Variants in TDRD15 observed in about 807,000 individuals in gnomAD.
The protein encoded by TDRD15 is tudor domain-containing protein 15.
For synonymous variants in TDRD15, 503 were observed against 314.5 expected (o/e 1.60, Z -6.34); for missense variants, 1,416 against 904.7 (o/e 1.57, Z -7.25).
At chr2:21,130,610 A>G (rs935953314) in intron 2 of TDRD15, among the ~76,000 whole-genome samples, 1 of 152,066 alleles carries the variant, frequency 6.6e-6, no homozygotes, top group African/African-American at 2.4e-5. Context: ...GCATGTGGGT[A>G]TCCATTTTTT....
intron 2 of TDRD15, among the ~76,000 whole-genome samples, chr2:21,133,428 G>A (rs1021626055): frequency 1.3e-5 from 2 of 151,988 alleles, no homozygotes; most frequent in Non-Finnish European, 1.5e-5. Context: ...TCTTGTCCAT[G>A]ATTATGTACT....
chr2:21,130,795 T>C (rs1665703605), intron 2 of TDRD15, among the ~76,000 whole-genome samples: 1 of 152,200 alleles, frequency 6.6e-6, no homozygotes, highest in South Asian at 2.1e-4. Context: ...TTGGTAGTCA[T>C]TGTATTATTT....
At chr2:21,125,245 G>T (rs546199978) in intron 1 of TDRD15, among the ~76,000 whole-genome samples, 1 of 149,702 alleles carries the variant, frequency 6.7e-6, no homozygotes, top group Non-Finnish European at 1.5e-5. Flanking sequence ...ATGCCAGGTT[G>T]TGTGTGAGAG....
At chr2:21,131,929 A>G (rs1167467426) in intron 2 of TDRD15, among the ~76,000 whole-genome samples, 3 of 152,170 alleles carry the variant, frequency 2.0e-5, no homozygotes, top group Non-Finnish European at 4.4e-5. Context: ...CTAGTTTAAT[A>G]TAACTTTTTT....
rs1437371367 is a variant in TDRD15 at position 21,140,215 on chromosome 2, A to T, written c.2748A>T (p.Leu916Phe). The change falls in exon 4 of 4, where the codon TTA (leucine) becomes TTT (phenylalanine). Residue 916 changes from leucine (L) to phenylalanine (F), a missense_variant. Transcript: ENST00000405799. ...VIIHPNHLYN[L>F]VDLQSSFTSA... ...TACATCCAAACCATTTATATAACTTAGTGGATTTACAGTCCTCATTTACTA... is the reference window on the plus strand; with the variant it reads ...TACATCCAAACCATTTATATAACTTTGTGGATTTACAGTCCTCATTTACTA... 1.4e-6 allele frequency: 1 copy of T among 715,504 alleles called. No homozygotes were observed. Among genetic ancestry groups the T allele is most frequent in the Non-Finnish European group, 2.6e-6 (1 of 383,854 alleles). The allele number at this position is 715,504 out of a possible 1,614,324, so 44.3% of individuals were successfully genotyped here.
intron 2 of TDRD15, among the ~76,000 whole-genome samples, chr2:21,131,172 A>G (rs1665711634): frequency 6.6e-6 from 1 of 152,180 alleles, no homozygotes; most frequent in Non-Finnish European, 1.5e-5. Context: ...TATGTCTGCC[A>G]TTTTGAGTTT....
chr2:21,131,887 A>T (rs1279940281), intron 2 of TDRD15, among the ~76,000 whole-genome samples: 1 of 152,216 alleles, frequency 6.6e-6, no homozygotes, highest in Non-Finnish European at 1.5e-5. Flanking sequence ...TAGGACTATA[A>T]ATGTGTCCTG....
chr2:21,136,424 G>A (rs1014942465), intron 3 of TDRD15, among the ~76,000 whole-genome samples: 3 of 151,864 alleles, frequency 2.0e-5, no homozygotes, highest in South Asian at 2.1e-4. Flanking sequence ...AATATCAGTT[G>A]TTATGTTTTC....
rs754767926 is a variant in TDRD15 at position 21,141,006 on chromosome 2, A to C, written c.3539A>C (p.Asn1180Thr). The C allele has an allele frequency of 8.4e-6, 6 of 713,216 alleles. No homozygotes were observed. In the South Asian group the frequency reaches 9.0e-5, roughly 11 times the overall value. 44.2% of individuals were successfully genotyped at this position (713,216 alleles called of 1,614,324 possible). The change falls in exon 4 of 4, where the codon AAT (asparagine) becomes ACT (threonine). Residue 1180 changes from asparagine to threonine, a missense_variant. Transcript: ENST00000405799. ...KGKTGNNYRH[N>T]VINKPSPVTY... ...AAAACAGGAAACAACTATCGCCATA[A>C]TGTGATAAATAAACCTAGTCCAGTA...
chr2:21,126,171 AG>A (rs909273112), intron 1 of TDRD15, among the ~76,000 whole-genome samples: 13 of 152,202 alleles, frequency 8.5e-5, no homozygotes, highest in African/African-American at 2.9e-4. Flanking sequence ...TCACCTTCAA[AG>A]GTTTCCTTTG....
chr2:21,142,595 A>G lies in TDRD15; in HGVS notation c.5128A>G (p.Ile1710Val), dbSNP rs1665957769. 4 of 711,986 alleles carry G rather than the reference A, an allele frequency of 5.6e-6. No homozygotes were observed. The highest frequency in any genetic ancestry group is 2.6e-6 in the Non-Finnish European group (1 of 383,028). The allele number at this position is 711,986 out of a possible 1,614,324, so 44.1% of individuals were successfully genotyped here. A position where few individuals can be genotyped will look rare whatever the true frequency, so the allele number is the denominator to read the frequency against. ...KLRLAEIVYNIESKTPVSSCT... is the reference protein window; with the variant it reads ...KLRLAEIVYNVESKTPVSSCT... ...TAGACTTGCAGAAATTGTTTACAAC[A>G]TTGAATCTAAGACTCCTGTATCATC... Residue 1710 changes from isoleucine (I) to valine (V), a missense_variant, in exon 4 of 4, where the codon ATT becomes GTT. Coordinates refer to ENST00000405799, the MANE Select transcript of TDRD15 (RefSeq NM_001306137.2).
At chr2:21,129,782 C>G (rs1002380913) in intron 2 of TDRD15, among the ~76,000 whole-genome samples, 1 of 152,160 alleles carries the variant, frequency 6.6e-6, no homozygotes, top group Admixed American at 6.5e-5. Context: ...TTGCCTAACA[C>G]ATCTTGATAT....
In TDRD15 at chr2:21,141,932, A is replaced by G; in HGVS notation, c.4465A>G (p.Lys1489Glu). 1.4e-6 allele frequency: 1 copy of G among 714,700 alleles called. No homozygotes were observed. The highest frequency in any genetic ancestry group is 2.6e-6 in the Non-Finnish European group (1 of 383,360). The allele number at this position is 714,700 out of a possible 1,614,324, so 44.3% of individuals were successfully genotyped here. The change falls in exon 4 of 4, where the codon AAG (lysine) becomes GAG (glutamate). Residue 1489 changes from lysine to glutamate, a missense_variant. Physicochemically the swap from Lys to Glu is moderately conservative, Grantham distance 56. Coordinates refer to ENST00000405799, the MANE Select transcript of TDRD15 (RefSeq NM_001306137.2). Reference sequence around the variant, plus strand: ...GCAGATGCCTCAGGTTCTCTCTCAAAAGGTGAGGCCAGGTGATAATGAAAT... The same window carrying G: ...GCAGATGCCTCAGGTTCTCTCTCAAGAGGTGAGGCCAGGTGATAATGAAAT... The part of the protein sequence containing the change: ...ALQMPQVLSQ[K>E]VRPGDNEMKK...
intron 2 of TDRD15, among the ~76,000 whole-genome samples, chr2:21,130,703 A>G (rs879193728): frequency 6.6e-6 from 1 of 152,086 alleles, no homozygotes; most frequent in Admixed American, 6.6e-5. Context: ...CAGTGTGTTA[A>G]TGTTGACACT....
chr2:21,134,883 A>T (rs1274892189), intron 3 of TDRD15, 36 bp downstream of exon 3: 1 of 151,166 alleles, frequency 6.6e-6, no homozygotes, highest in Non-Finnish European at 1.5e-5. Context: ...TCTTCTAAGG[A>T]TTATCATATT....
At position 21,140,538 on chromosome 2, in the gene TDRD15, A is replaced by G. The variant is rs1044311548; in HGVS notation, c.3071A>G (p.Glu1024Gly). ...KMRVCISKYVEDGLSYRALAI... is the reference protein window; with the variant it reads ...KMRVCISKYVGDGLSYRALAI... ...AGAGTGTGCATATCTAAGTATGTAG[A>G]GGATGGTCTCTCATACAGAGCTTTA... is the stretch of plus-strand genomic sequence containing the variant. The change falls in exon 4 of 4, where the codon GAG becomes GGG. Residue 1024 changes from glutamate to glycine, a missense_variant. Transcript: ENST00000405799. 1.4e-5 allele frequency: 10 copies of G among 700,870 alleles called. No individual in the cohort carries two copies. The highest frequency in any genetic ancestry group is 2.6e-5 in the Non-Finnish European group (10 of 379,100). The allele number at this position is 700,870 out of a possible 1,614,324, so 43.4% of individuals were successfully genotyped here. A position where few individuals can be genotyped will look rare whatever the true frequency, so the allele number is the denominator to read the frequency against.
At chr2:21,127,231 T>A (rs1417597992) in intron 1 of TDRD15, among the ~76,000 whole-genome samples, 2 of 152,296 alleles carry the variant, frequency 1.3e-5, no homozygotes, top group East Asian at 3.9e-4. Flanking sequence ...CTATATGTTT[T>A]GTAAGTATTT....
At chr2:21,146,305 CT>C (rs1370836448), downstream of TDRD15, among the ~76,000 whole-genome samples, 2 of 151,986 alleles carry the variant, frequency 1.3e-5, no homozygotes, top group Non-Finnish European at 2.9e-5. Flanking sequence ...TTTACTTTAT[CT>C]TGCCCAGGTA....
At chr2:21,125,726 GGAAC>G (rs1665576999) in intron 1 of TDRD15, among the ~76,000 whole-genome samples, 1 of 152,096 alleles carries the variant, frequency 6.6e-6, no homozygotes, top group African/African-American at 2.4e-5. Flanking sequence ...TTTACCCTCT[GGAAC>G]TCTTTTTCCA....
Sources: gnomAD v4.1 joint callset for allele counts (sites outside exome capture counted in the v4.1 genomes callset) on GRCh38, gnomAD v4.1.1 for gene constraint, MANE v1.5 for transcripts, NCBI Gene and HGNC (gene_info 2026-07-23, HGNC 2026-07-21) for gene names.